MICU2: variants seen among roughly 807,000 people sequenced by gnomAD.
The protein encoded by MICU2 is mitochondrial calcium uptake 2.
In MICU2, 64 loss-of-function variants were observed where a neutral mutation model predicts 60.4. The observed-to-expected ratio is 1.06, with a 90% confidence interval of 0.87 to 1.31. The LOEUF (loss-of-function observed/expected upper bound fraction) is 1.31, where lower values mean the gene tolerates loss of function less well. Among genes scored for constraint, MICU2 ranks in the 50% most tolerant of loss-of-function variants. MICU2 has a pLI of 0.00. For synonymous variants in MICU2, 201 were observed against 175.0 expected (o/e 1.15, Z -1.17); for missense variants, 569 against 531.0 (o/e 1.07, Z -0.70).
intron 4 of MICU2, among the ~76,000 whole-genome samples, chr13:21,538,273 A>AACAACCGTG (rs1311350972): frequency 6.6e-6 from 1 of 151,968 alleles, no homozygotes; most frequent in African/African-American, 2.4e-5. Flanking sequence ...TGTATCAAAA[A>AACAACCGTG]TATTAAAAAA....
Position 21,513,697 on chromosome 13 carries a change from G to A in MICU2, c.663+656C>T, listed in dbSNP as rs552245598. On this transcript the variant is annotated intron_variant, in intron 7 of 11. Coordinates refer to ENST00000382374, the MANE Select transcript of MICU2 (RefSeq NM_152726.3). Reference sequence around the variant, plus strand: ...GGAGGTTGCAGTGAGCTGAGATCGCGCCACTGCACTCTAACCTGGGAGACT... The same window carrying A: ...GGAGGTTGCAGTGAGCTGAGATCGCACCACTGCACTCTAACCTGGGAGACT... 6.3e-5 allele frequency among the ~76,000 whole-genome samples: 7 copies of A among 111,582 alleles called. No homozygotes were observed. In the South Asian group the frequency reaches 2.2e-3, roughly 36 times the overall value. 73.2% of individuals were successfully genotyped at this position (111,582 alleles called of 152,430 possible). A position where few individuals can be genotyped will look rare whatever the true frequency, so the allele number is the denominator to read the frequency against.
intron 1 of MICU2, among the ~76,000 whole-genome samples, chr13:21,567,865 A>G (rs1205206289): frequency 1.3e-5 from 2 of 152,222 alleles, no homozygotes; most frequent in African/African-American, 4.8e-5. Flanking sequence ...GGTCTGACTC[A>G]AAGGGTTTTA....
chr13:21,543,201 A>G (rs2138006188), intron 2 of MICU2, among the ~76,000 whole-genome samples: 1 of 152,312 alleles, frequency 6.6e-6, no homozygotes, highest in Admixed American at 6.5e-5. Flanking sequence ...TATCACTAAT[A>G]AAAGTGGTAA....
At position 21,514,003 on chromosome 13, in the gene MICU2, C is replaced by T. The variant is rs529281850; in HGVS notation, c.663+350G>A. On this transcript the variant is annotated intron_variant, in intron 7 of 11. Coordinates refer to ENST00000382374, the MANE Select transcript of MICU2 (RefSeq NM_152726.3). ...TCTGCTCTACCTACATACTCCTGTG[C>T]ACCACCTGAAGTTAGGAACATGTAA... Among the ~76,000 whole-genome samples, 21 of 152,224 alleles carry T rather than the reference C, an allele frequency of 1.4e-4. No individual in the cohort carries two copies. In the South Asian group the frequency reaches 3.3e-3, roughly 24 times the overall value.
At chr13:21,602,035 G>A (rs551428020) in intron 1 of MICU2, among the ~76,000 whole-genome samples, 1 of 151,780 alleles carries the variant, frequency 6.6e-6, no homozygotes, top group East Asian at 1.9e-4. Context: ...TTGAACCGGG[G>A]AGTTAAGAGG....
chr13:21,588,369 C>G (rs1025331982), intron 1 of MICU2, among the ~76,000 whole-genome samples: 8 of 152,172 alleles, frequency 5.3e-5, no homozygotes, highest in African/African-American at 1.7e-4. Flanking sequence ...CTCCAGTTGA[C>G]CAGGCGTGGG....
Position 21,539,382 on chromosome 13 carries a change from G to A in MICU2, c.391-5C>T. 2.5e-6 allele frequency: 4 copies of A among 1,610,148 alleles called. No homozygotes were observed. In the African/African-American group the frequency reaches 5.4e-5, roughly 22 times the overall value. The stretch of plus-strand genomic sequence containing the variant: ...TGACAGTGTATCCTCGATGTCCTTT[G>A]AATACACATATTAAAATTAAACTTC... On this transcript the variant is annotated splice_polypyrimidine_tract_variant and splice_region_variant and intron_variant, in intron 3 of 11. Transcript: ENST00000382374.
At chr13:21,540,211 G>T (rs947153323) in intron 2 of MICU2, among the ~76,000 whole-genome samples, 2 of 152,056 alleles carry the variant, frequency 1.3e-5, no homozygotes, top group African/African-American at 2.4e-5. Context: ...GGATAACAGA[G>T]ATTTAAAATT....
At chr13:21,525,416 C>T (rs1026137385) in intron 4 of MICU2, among the ~76,000 whole-genome samples, 3 of 152,014 alleles carry the variant, frequency 2.0e-5, no homozygotes, top group Non-Finnish European at 4.4e-5. Context: ...TGATCTCGAT[C>T]TCCTGACCTC....
At chr13:21,574,182 T>C (rs1375874530) in intron 1 of MICU2, among the ~76,000 whole-genome samples, 1 of 152,284 alleles carries the variant, frequency 6.6e-6, no homozygotes, top group Middle Eastern at 3.4e-3. Context: ...CTACCCGAGA[T>C]GCAACTTACA....
chr13:21,554,014 G>C (rs1345330999), intron 2 of MICU2, among the ~76,000 whole-genome samples: 1 of 152,120 alleles, frequency 6.6e-6, no homozygotes, highest in Non-Finnish European at 1.5e-5. Flanking sequence ...CAATACAGGA[G>C]CACCCAGATT....
intron 6 of MICU2, among the ~76,000 whole-genome samples, chr13:21,520,625 C>T (rs1265893411): frequency 6.6e-6 from 1 of 151,504 alleles, no homozygotes; most frequent in African/African-American, 2.4e-5. Context: ...CTAACTGGCA[C>T]ATACCAAACT....
intron 2 of MICU2, among the ~76,000 whole-genome samples, chr13:21,548,448 G>A (rs900001248): frequency 1.3e-5 from 2 of 152,144 alleles, no homozygotes; most frequent in African/African-American, 2.4e-5. Context: ...GTGGATAGAA[G>A]GCTTTAATCT....
chr13:21,501,978 AT>A (rs1230445501), intron 9 of MICU2, among the ~76,000 whole-genome samples: 1 of 152,190 alleles, frequency 6.6e-6, no homozygotes, highest in Non-Finnish European at 1.5e-5. Flanking sequence ...TTCAGGGTTA[AT>A]TTGTAACTGC....
intron 2 of MICU2, 103 bp downstream of exon 2, chr13:21,566,694 A>T: frequency 1.0e-6 from 1 of 966,064 alleles, no homozygotes; most frequent in South Asian, 1.6e-5. Flanking sequence ...TGGTACAAAG[A>T]TGATAATTAA....
At chr13:21,583,147 C>T (rs893370267) in intron 1 of MICU2, among the ~76,000 whole-genome samples, 13 of 152,032 alleles carry the variant, frequency 8.6e-5, no homozygotes, top group Admixed American at 6.5e-5. Context: ...CCTAGCTACT[C>T]GAGAGATTGA....
At chr13:21,566,205 A>C (rs946945733) in intron 2 of MICU2, among the ~76,000 whole-genome samples, 2 of 152,162 alleles carry the variant, frequency 1.3e-5, no homozygotes, top group African/African-American at 4.8e-5. Context: ...ATATTTATAG[A>C]GAGTATTCCA....
intron 6 of MICU2, among the ~76,000 whole-genome samples, chr13:21,519,660 A>G (rs1279048195): frequency 3.3e-5 from 5 of 152,140 alleles, no homozygotes; most frequent in South Asian, 4.1e-4. Flanking sequence ...TCCTGGCTAC[A>G]TTACTGATCT....
chr13:21,593,061 G>A (rs991847616), intron 1 of MICU2, among the ~76,000 whole-genome samples: 2 of 152,148 alleles, frequency 1.3e-5, no homozygotes, highest in African/African-American at 4.8e-5. Context: ...CGAATAGGAA[G>A]ACAGGAAGTC....
Sources: allele counts gnomAD v4.1 joint callset (sites outside exome capture counted in the v4.1 genomes callset), GRCh38; gene constraint gnomAD v4.1.1; transcripts MANE v1.5; gene names NCBI Gene and HGNC (gene_info 2026-07-23, HGNC 2026-07-21).